Variants in WRN observed in about 807,000 individuals in gnomAD.
WRN encodes WRN RecQ like helicase, also known as bifunctional 3'-5' exonuclease/ATP-dependent helicase WRN.
Under a neutral mutation model 180.7 loss-of-function variants are expected in WRN, and 149 were observed. The ratio of observed to expected loss-of-function variants is 0.82; its 90% CI spans 0.72 to 0.94. WRN has a LOEUF of 0.94. Among genes scored for constraint, WRN ranks in the 40% least tolerant of loss-of-function variants. The pLI, the probability that WRN is intolerant of heterozygous loss-of-function variation, is 0.00. For missense variants in WRN, 1,661 were observed against 1,700.1 expected, an observed-to-expected ratio of 0.98 and a Z score of 0.40; for synonymous variants, 548 against 568.9, an observed-to-expected ratio of 0.96 and a Z score of 0.52.
Position 31,167,179 on chromosome 8 carries a change from G to A in WRN, c.4140G>A (p.Glu1380=), listed in dbSNP as rs776270050. ...GGAGATGTTTTCCCGGTTCTGAAGAGATCTGTTCAAGTTCTAAGAGAAGCA... is the reference window on the plus strand; with the variant it reads ...GGAGATGTTTTCCCGGTTCTGAAGAAATCTGTTCAAGTTCTAAGAGAAGCA... The part of the protein sequence containing the change: ...NKRRCFPGSE[E]ICSSSKRSKE... Residue 1380 remains glutamate (E), a synonymous_variant, in exon 34 of 35, where the codon GAG becomes GAA. Transcript: ENST00000298139. 1.7e-5 allele frequency: 28 copies of A among 1,613,138 alleles called. No individual in the cohort carries two copies. The South Asian group carries it at 3.1e-4, about 18-fold the overall frequency.
At position 31,151,015 on chromosome 8, in the gene WRN, CAG is replaced by C. The variant is rs11574373; in HGVS notation, c.3687+562_3687+563del. 3.9e-3 allele frequency among the ~76,000 whole-genome samples: 592 copies of C among 152,274 alleles called. 7 individuals carry two copies. The highest frequency in any genetic ancestry group is 0.014 in the African/African-American group (569 of 41,552). ...AGGATTTTCTCTAAACTCCACGTAG[CAG>C]ACTCTATAATGCATACTCTGCAGAA... On this transcript the variant is annotated intron_variant, in intron 31 of 34. Coordinates refer to ENST00000298139, the MANE Select transcript of WRN (RefSeq NM_000553.6).
intron 17 of WRN, among the ~76,000 whole-genome samples, chr8:31,097,204 C>T (rs1216752474): frequency 1.3e-5 from 2 of 152,136 alleles, no homozygotes; most frequent in African/African-American, 4.8e-5. Flanking sequence ...AATGTTGAAT[C>T]CTAGGTTCTG....
At chr8:31,114,917 A>G (rs976093961) in intron 19 of WRN, among the ~76,000 whole-genome samples, 3 of 139,818 alleles carry the variant, frequency 2.1e-5, no homozygotes, top group Non-Finnish European at 4.6e-5. Flanking sequence ...TTTTTTTGAC[A>G]TGGAGTCTTG....
At chr8:31,049,473 A>G (rs1812004783) in intron 1 of WRN, among the ~76,000 whole-genome samples, 1 of 150,994 alleles carries the variant, frequency 6.6e-6, no homozygotes, top group African/African-American at 2.4e-5. Flanking sequence ...TTGAGGCTGC[A>G]GTGAGCTGTG....
chr8:31,124,391 A>C (rs1286970998), intron 21 of WRN, 131 bp from the exon 22 acceptor site: 1 of 682,540 alleles, frequency 1.5e-6, no homozygotes, highest in Non-Finnish European at 2.5e-6. Context: ...GATGCTAGAA[A>C]TGTTTTTTTA....
chr8:31,042,579 G>C (rs1380949474), intron 1 of WRN, among the ~76,000 whole-genome samples: 1 of 152,196 alleles, frequency 6.6e-6, no homozygotes, highest in Admixed American at 6.5e-5. Flanking sequence ...TTTCATAGTT[G>C]TCAGATTGAA....
intron 19 of WRN, among the ~76,000 whole-genome samples, chr8:31,114,382 T>C (rs1442773331): frequency 6.6e-6 from 1 of 152,170 alleles, no homozygotes; most frequent in Non-Finnish European, 1.5e-5. Flanking sequence ...TAGAATTTTC[T>C]CCCCTCAGAA....
In WRN at chr8:31,167,187, C is replaced by T; in HGVS notation, c.4148C>T (p.Ser1383Leu). The change falls in exon 34 of 35, where the codon TCA (serine) becomes TTA (leucine). Residue 1383 changes from serine to leucine, a missense_variant. Around this residue, in one of 3 missense-constraint regions of WRN, gnomAD observed 1,141 missense variants for 1,149.4 expected, o/e 0.99. Transcript: ENST00000298139. The stretch of plus-strand genomic sequence containing the variant: ...TTTCCCGGTTCTGAAGAGATCTGTT[C>T]AAGTTCTAAGAGAAGCAAGGAAGAA... ...RCFPGSEEIC[S>L]SSKRSKEEVG... The T allele has an allele frequency of 6.2e-7, 1 of 1,613,152 alleles. No homozygotes were observed. The highest frequency in any genetic ancestry group is 8.5e-7 in the Non-Finnish European group (1 of 1,179,414).
intron 28 of WRN, among the ~76,000 whole-genome samples, chr8:31,144,535 C>T (rs1802787282): frequency 6.6e-6 from 1 of 151,992 alleles, no homozygotes; most frequent in East Asian, 1.9e-4. Flanking sequence ...TGGGTTTTTG[C>T]CGTGTTGGTC....
intron 23 of WRN, among the ~76,000 whole-genome samples, chr8:31,125,971 A>AATATATATATAT (rs55952524): frequency 2.3e-4 from 33 of 145,658 alleles, no homozygotes; most frequent in African/African-American, 3.9e-4. Context: ...CATCATCCTA[A>AATATATATATAT]ATATATATAT....
chr8:31,160,964 G>A (rs1159099469), intron 33 of WRN, among the ~76,000 whole-genome samples: 1 of 150,916 alleles, frequency 6.6e-6, no homozygotes, highest in African/African-American at 2.4e-5. Context: ...CTACAGTCTG[G>A]ACAACAGAGT....
chr8:31,077,950 G>T (rs898750596), intron 8 of WRN, among the ~76,000 whole-genome samples: 1 of 152,200 alleles, frequency 6.6e-6, no homozygotes, highest in African/African-American at 2.4e-5. Context: ...TGGAAGCTCT[G>T]ATGGGTTAGT....
At chr8:31,121,515 T>C (rs1302161097) in intron 21 of WRN, among the ~76,000 whole-genome samples, 5 of 152,010 alleles carry the variant, frequency 3.3e-5, no homozygotes, top group African/African-American at 9.7e-5. Context: ...CATTTTACTG[T>C]TCTCCTTTTG....
At chr8:31,075,232 G>A (rs1430931388) in intron 7 of WRN, among the ~76,000 whole-genome samples, 2 of 152,292 alleles carry the variant, frequency 1.3e-5, no homozygotes, top group Non-Finnish European at 2.9e-5. Flanking sequence ...AGCAGGTTTT[G>A]TAGCTCTGTC....
intron 30 of WRN, among the ~76,000 whole-genome samples, chr8:31,149,652 T>A (rs1004977646): frequency 6.6e-6 from 1 of 151,400 alleles, no homozygotes; most frequent in Non-Finnish European, 1.5e-5. Flanking sequence ...TTTTTTGTAT[T>A]TTAGTAGAGA....
chr8:31,066,973 A>G, intron 5 of WRN, 60 bp from the exon 6 acceptor site: 1 of 1,593,708 alleles, frequency 6.3e-7, no homozygotes, highest in Non-Finnish European at 8.6e-7. Context: ...ATTTGATATC[A>G]TTTGGTAATA....
At chr8:31,061,714 C>T (rs1187659270) in intron 3 of WRN, among the ~76,000 whole-genome samples, 1 of 152,200 alleles carries the variant, frequency 6.6e-6, no homozygotes, top group Non-Finnish European at 1.5e-5. Context: ...GGTAATTTAG[C>T]CCTATAATAA....
intron 3 of WRN, among the ~76,000 whole-genome samples, chr8:31,060,749 C>G (rs994925070): frequency 1.3e-5 from 2 of 152,206 alleles, no homozygotes; most frequent in African/African-American, 4.8e-5. Context: ...TACCATTTTA[C>G]CTTCAGCATT....
intron 1 of WRN, among the ~76,000 whole-genome samples, 187 bp downstream of exon 1, chr8:31,034,160 C>T (rs1270934885): frequency 6.6e-6 from 1 of 152,306 alleles, no homozygotes. Flanking sequence ...AAAGGCGTCT[C>T]TCGGAGCTTC....
Sources: gnomAD v4.1 joint callset for allele counts (sites outside exome capture counted in the v4.1 genomes callset) on GRCh38, gnomAD v4.1.1 for gene constraint, gnomAD v4.1.1 regional missense constraint, MANE v1.5 for transcripts, NCBI Gene and HGNC (gene_info 2026-07-23, HGNC 2026-07-21) for gene names.